The following PKIG variants were observed in gnomAD, a reference collection of about 807,000 sequenced individuals.
The protein encoded by PKIG is cAMP-dependent protein kinase inhibitor gamma.
In PKIG, 1 loss-of-function variant was observed where a neutral mutation model predicts 6.8. The ratio of observed to expected loss-of-function variants is 0.15; its 90% CI spans 0.05 to 0.69. The LOEUF (loss-of-function observed/expected upper bound fraction) is 0.69, where lower values mean the gene tolerates loss of function less well. PKIG is among the 30% of genes least tolerant of loss of function. The pLI is 0.82. For synonymous variants in PKIG, 39 were observed against 43.0 expected (o/e 0.91, Z 0.36); for missense variants, 77 against 104.0 (o/e 0.74, Z 1.13).
chr20:44,537,822 A>T (rs924599255), intron 1 of PKIG, among the ~76,000 whole-genome samples: 1 of 147,382 alleles, frequency 6.8e-6, no homozygotes, highest in Non-Finnish European at 1.5e-5. Context: ...CTGAACTCAG[A>T]TGATCCACCC....
At chr20:44,576,551 G>A (rs2064899850) in intron 1 of PKIG, among the ~76,000 whole-genome samples, 1 of 152,162 alleles carries the variant, frequency 6.6e-6, no homozygotes, top group Non-Finnish European at 1.5e-5. Context: ...GAGAGTCTGA[G>A]ACCAATAGAG....
chr20:44,618,595 C>G lies in PKIG; in HGVS notation c.*231C>G. On this transcript the variant is annotated 3_prime_UTR_variant, in exon 4 of 4. Coordinates refer to ENST00000372886, the MANE Select transcript of PKIG (RefSeq NM_001281445.2). ...TTCGCACCGTGCCCAGGTACACTTT[C>G]AAGACACTGTAACCACAAGATGTTA... is the stretch of plus-strand genomic sequence containing the variant. 1 of 476,206 alleles carries G rather than the reference C, an allele frequency of 2.1e-6. No homozygotes were observed. The highest frequency in any genetic ancestry group is 3.9e-6 in the Non-Finnish European group (1 of 258,796). 29.5% of individuals were successfully genotyped at this position (476,206 alleles called of 1,614,324 possible).
intron 1 of PKIG, among the ~76,000 whole-genome samples, chr20:44,556,229 C>T (rs985503065): frequency 4.6e-5 from 7 of 152,190 alleles, no homozygotes; most frequent in Non-Finnish European, 4.4e-5. Context: ...TTTCTGTTCT[C>T]ATTTAGCTGA....
At position 44,535,285 on chromosome 20, in the gene PKIG, T is replaced by TA. The variant is rs76497647; in HGVS notation, c.-241+3317dup. ...TATTGATACTGGAGAAGGGGTAGGT[T>TA]AAAAAAAAAACAGGTGTCTATCATA... On this transcript the variant is annotated intron_variant, in intron 1 of 4. Transcript: ENST00000372887. 1.2e-3 allele frequency among the ~76,000 whole-genome samples: 182 copies of TA among 148,088 alleles called. 2 individuals carry two copies. In the Middle Eastern group the frequency reaches 0.014, roughly 11 times the overall value.
intron 1 of PKIG, among the ~76,000 whole-genome samples, chr20:44,557,778 C>T (rs1452747108): frequency 2.0e-5 from 3 of 151,744 alleles, no homozygotes; most frequent in African/African-American, 7.3e-5. Context: ...GAGTGAAGAT[C>T]ACGCCACTGC....
At chr20:44,574,534 A>G (rs2064879448) in intron 1 of PKIG, among the ~76,000 whole-genome samples, 1 of 151,970 alleles carries the variant, frequency 6.6e-6, no homozygotes. Context: ...TCTAGACATC[A>G]TTTTATCAGT....
At chr20:44,538,250 G>A (rs1433667854) in intron 1 of PKIG, among the ~76,000 whole-genome samples, 2 of 152,066 alleles carry the variant, frequency 1.3e-5, no homozygotes, top group African/African-American at 4.8e-5. Context: ...TAGAAGAGCT[G>A]GATTTCCAAA....
At chr20:44,583,863 C>T (rs1006538767) in intron 1 of PKIG, among the ~76,000 whole-genome samples, 1 of 152,110 alleles carries the variant, frequency 6.6e-6, no homozygotes, top group African/African-American at 2.4e-5. Flanking sequence ...TAGCTAAAAA[C>T]GGGTGCCTGT....
At chr20:44,552,246 A>T (rs2064675676) in intron 1 of PKIG, among the ~76,000 whole-genome samples, 1 of 152,244 alleles carries the variant, frequency 6.6e-6, no homozygotes, top group South Asian at 2.1e-4. Context: ...ATCCATCAGG[A>T]TACAATCTAA....
intron 1 of PKIG, among the ~76,000 whole-genome samples, chr20:44,536,636 C>T (rs2064514846): frequency 6.6e-6 from 1 of 152,140 alleles, no homozygotes; most frequent in Non-Finnish European, 1.5e-5. Context: ...GAGAGCCACC[C>T]AAGCCTTTGT....
chr20:44,561,261 C>T (rs878862274), intron 1 of PKIG, among the ~76,000 whole-genome samples: 1 of 151,974 alleles, frequency 6.6e-6, no homozygotes, highest in Admixed American at 6.6e-5. Context: ...CGCTTGAACC[C>T]GGGAGGCAGA....
chr20:44,538,921 CT>C (rs565741416), intron 1 of PKIG, among the ~76,000 whole-genome samples: 23 of 146,822 alleles, frequency 1.6e-4, no homozygotes, highest in South Asian at 2.2e-4. Context: ...GTGTACCTAG[CT>C]TTTTTTTTTT....
intron 2 of PKIG, among the ~76,000 whole-genome samples, chr20:44,598,047 A>G (rs1246702733): frequency 6.6e-6 from 1 of 152,170 alleles, no homozygotes; most frequent in Admixed American, 6.5e-5. Context: ...TGGATCTTTT[A>G]TGCAGTTGCA....
At chr20:44,575,107 A>G (rs573952841) in intron 1 of PKIG, among the ~76,000 whole-genome samples, 6 of 152,216 alleles carry the variant, frequency 3.9e-5, no homozygotes, top group Non-Finnish European at 8.8e-5. Context: ...GCTGGAGTGC[A>G]GTGGCACCAT....
chr20:44,556,939 G>A (rs1345355088), intron 1 of PKIG, among the ~76,000 whole-genome samples: 1 of 152,098 alleles, frequency 6.6e-6, no homozygotes, highest in Non-Finnish European at 1.5e-5. Context: ...AATTTGTCAA[G>A]CTCATTATTC....
At chr20:44,532,279 A>G (rs2064473613) in intron 1 of PKIG, among the ~76,000 whole-genome samples, 1 of 152,318 alleles carries the variant, frequency 6.6e-6, no homozygotes, top group South Asian at 2.1e-4. Flanking sequence ...AAAACTGTGC[A>G]GAAAATTTAT....
At chr20:44,532,699 T>C (rs1445748037) in intron 1 of PKIG, among the ~76,000 whole-genome samples, 1 of 152,142 alleles carries the variant, frequency 6.6e-6, no homozygotes, top group Non-Finnish European at 1.5e-5. Flanking sequence ...GTGAGGTTAG[T>C]GTGGATGATC....
At chr20:44,591,230 G>A (rs549320025) in intron 2 of PKIG, among the ~76,000 whole-genome samples, 9 of 152,268 alleles carry the variant, frequency 5.9e-5, no homozygotes, top group South Asian at 2.1e-4. Context: ...TGGAGGCTTG[G>A]GGGGTGCAGC....
At chr20:44,557,800 G>T (rs1332326290) in intron 1 of PKIG, among the ~76,000 whole-genome samples, 1 of 151,964 alleles carries the variant, frequency 6.6e-6, no homozygotes, top group African/African-American at 2.4e-5. Flanking sequence ...CTCCAGCCTG[G>T]GTGGCAGAGC....
Sources: allele counts gnomAD v4.1 joint callset (sites outside exome capture counted in the v4.1 genomes callset), GRCh38; gene constraint gnomAD v4.1.1; transcripts MANE v1.5; gene names NCBI Gene and HGNC (gene_info 2026-07-23, HGNC 2026-07-21).